WDR89: variants seen among roughly 807,000 people sequenced by gnomAD.
WDR89 encodes the protein WD repeat-containing protein 89.
WDR89 carries 17 observed loss-of-function variants against 29.1 expected under a neutral mutation model. The observed-to-expected ratio is 0.58, with a 90% CI of 0.40 to 0.88. The LOEUF (loss-of-function observed/expected upper bound fraction) is 0.88. Among genes scored for constraint, WDR89 ranks in the 40% least tolerant of loss-of-function variants. The pLI is 0.00. For missense variants in WDR89, 396 were observed against 456.3 expected (o/e 0.87, Z 1.20); for synonymous variants, 138 against 157.8 (o/e 0.87, Z 0.94).
chr14:63,607,803 C>T (rs1881672854), intron 2 of WDR89, among the ~76,000 whole-genome samples: 1 of 150,714 alleles, frequency 6.6e-6, no homozygotes, highest in African/African-American at 2.4e-5. Flanking sequence ...ATCGCTTGAA[C>T]CCAGGAGGCG....
At chr14:63,636,005 G>A (rs1224196124) in intron 1 of WDR89, among the ~76,000 whole-genome samples, 1 of 152,058 alleles carries the variant, frequency 6.6e-6, no homozygotes, top group Non-Finnish European at 1.5e-5. Flanking sequence ...TCAGGAGTTC[G>A]AGACCAGCCT....
chr14:63,637,614 T>C (rs1883822209), intron 1 of WDR89, among the ~76,000 whole-genome samples: 1 of 152,070 alleles, frequency 6.6e-6, no homozygotes, highest in Non-Finnish European at 1.5e-5. Context: ...AATGGAATAC[T>C]ACACAGCCAT....
intron 1 of WDR89, chr14:63,641,214 T>A (rs1384155214): frequency 6.6e-6 from 1 of 152,190 alleles, no homozygotes; most frequent in Non-Finnish European, 1.5e-5. Flanking sequence ...TGCCACAATT[T>A]GTCAGAGACA....
At chr14:63,636,455 CA>C (rs1883745169) in intron 1 of WDR89, among the ~76,000 whole-genome samples, 2 of 152,108 alleles carry the variant, frequency 1.3e-5, no homozygotes, top group Admixed American at 1.3e-4. Context: ...CCCGCATAGC[CA>C]AAGCATGACT....
chr14:63,630,423 A>G (rs1365917129), intron 1 of WDR89, among the ~76,000 whole-genome samples: 2 of 150,010 alleles, frequency 1.3e-5, no homozygotes, highest in Non-Finnish European at 3.0e-5. Flanking sequence ...CGGGAGGATC[A>G]CCTGAGGTCA....
chr14:63,621,075 AT>A (rs1882666451), intron 2 of WDR89, among the ~76,000 whole-genome samples: 1 of 152,060 alleles, frequency 6.6e-6, no homozygotes. Flanking sequence ...TACAACTTTT[AT>A]TTGTTAATTA....
At chr14:63,617,782 GC>G (rs1882412942) in intron 2 of WDR89, among the ~76,000 whole-genome samples, 1 of 152,124 alleles carries the variant, frequency 6.6e-6, no homozygotes, top group Non-Finnish European at 1.5e-5. Context: ...ACTGCGCCTG[GC>G]CTAGAATTCT....
intron 1 of WDR89, among the ~76,000 whole-genome samples, chr14:63,628,798 C>T (rs1435699095): frequency 6.6e-6 from 1 of 151,926 alleles, no homozygotes; most frequent in Non-Finnish European, 1.5e-5. Context: ...CTATCCCTAT[C>T]AAAAGTACAA....
chr14:63,611,335 CAAAAAAAAAAAAAA>C (rs769975882), intron 2 of WDR89, among the ~76,000 whole-genome samples: 2 of 22,920 alleles, frequency 8.7e-5, no homozygotes, highest in Non-Finnish European at 1.9e-4. Context: ...GGCCCTGTCG[CAAAAAAAAAAAAAA>C]AAAAAAAAAA....
At position 63,631,176 on chromosome 14, in the gene WDR89, G is replaced by A. The variant is rs538297333; in HGVS notation, c.-137-6143C>T. Among the ~76,000 whole-genome samples, 41 of 152,190 alleles carry A rather than the reference G, an allele frequency of 2.7e-4. 1 individual carries two copies. The highest frequency in any genetic ancestry group is 9.6e-4 in the African/African-American group (40 of 41,534). On this transcript the variant is annotated intron_variant, in intron 1 of 2. Coordinates refer to ENST00000620954, the MANE Select transcript of WDR89 (RefSeq NM_080666.4). ...AATTAACTTGATTTGATCATTACAC[G>A]AAGTATACGTATATCAAAACATCAC...
At chr14:63,611,985 C>T (rs552071168) in intron 2 of WDR89, among the ~76,000 whole-genome samples, 3 of 152,254 alleles carry the variant, frequency 2.0e-5, no homozygotes, top group East Asian at 3.9e-4. Context: ...ACCTCAGCCT[C>T]CCAAAGTGCT....
At chr14:63,601,488 G>A (rs987643594) in intron 2 of WDR89, 20 of 1,282,154 alleles carry the variant, frequency 1.6e-5, no homozygotes, top group South Asian at 3.6e-5. Flanking sequence ...AGCAGAGTAC[G>A]AGTCTGAGGT....
chr14:63,615,161 A>G (rs1164209627), intron 2 of WDR89, among the ~76,000 whole-genome samples: 1 of 152,184 alleles, frequency 6.6e-6, no homozygotes, highest in Non-Finnish European at 1.5e-5. Flanking sequence ...CCTCAATAAC[A>G]TCCTGAGATG....
rs149804765 is a variant in WDR89 at position 63,597,141 on chromosome 14, A to C, written c.*1638T>G. 6.6e-5 allele frequency: 10 copies of C among 152,364 alleles called. No individual in the cohort carries two copies. The East Asian group carries it at 1.9e-3, about 29-fold the overall frequency. The allele number at this position is 152,364 out of a possible 1,614,324, so 9.4% of individuals were successfully genotyped here. On this transcript the variant is annotated 3_prime_UTR_variant, in exon 3 of 3. Coordinates refer to ENST00000620954, the MANE Select transcript of WDR89 (RefSeq NM_080666.4). The stretch of plus-strand genomic sequence containing the variant: ...GGGGAACGCAAAGGGGAAGCAAAGC[A>C]CCTTCTTCACAAGGCTTCAGGAGAA...
intron 1 of WDR89, among the ~76,000 whole-genome samples, chr14:63,638,302 C>G (rs1050268899): frequency 6.6e-6 from 1 of 152,128 alleles, no homozygotes; most frequent in African/African-American, 2.4e-5. Context: ...TTACAAGAAG[C>G]TACATTAGCT....
rs373337059 is a variant in WDR89, at chr14:63,611,695, TC to T, written c.-31-11723del. Among the ~76,000 whole-genome samples the T allele has an allele frequency of 7.4e-4, 112 of 150,910 alleles. 2 individuals carry two copies. The East Asian group carries it at 0.012, about 16-fold the overall frequency. On this transcript the variant is annotated intron_variant, in intron 2 of 2. Transcript: ENST00000620954. ...CAACTTTTCTGTAAACCTAACATTA[TC>T]CCCCCCAAAAAAAAATTTTTTTTAA...
chr14:63,638,788 GTGAGAC>G (rs1883910282), intron 1 of WDR89, among the ~76,000 whole-genome samples: 1 of 152,186 alleles, frequency 6.6e-6, no homozygotes, highest in South Asian at 2.1e-4. Context: ...TATAGTCCCT[GTGAGAC>G]TTTATGGGAT....
chr14:63,600,096 G>A (rs1034452023), intron 2 of WDR89, 123 bp from the exon 3 acceptor site: 3 of 492,874 alleles, frequency 6.1e-6, no homozygotes, highest in South Asian at 5.0e-5. Flanking sequence ...TCTGAGGGCT[G>A]GCATGAATCA....
intron 2 of WDR89, among the ~76,000 whole-genome samples, chr14:63,605,364 G>C (rs1895274432): frequency 6.6e-6 from 1 of 151,776 alleles, no homozygotes; most frequent in Admixed American, 6.6e-5. Flanking sequence ...TCATATAAAA[G>C]TATAGTGCAT....
Sources: gnomAD v4.1 joint callset for allele counts (sites outside exome capture counted in the v4.1 genomes callset) on GRCh38, gnomAD v4.1.1 for gene constraint, MANE v1.5 for transcripts, NCBI Gene and HGNC (gene_info 2026-07-23, HGNC 2026-07-21) for gene names.